Variants in DYNC1H1 observed in about 807,000 individuals in gnomAD.
The protein encoded by DYNC1H1 is dynein cytoplasmic 1 heavy chain 1, also known as cytoplasmic dynein 1 heavy chain 1.
Under a neutral mutation model 527.1 loss-of-function variants are expected in DYNC1H1, and 51 were observed. The observed-to-expected ratio is 0.10, with a 90% CI of 0.08 to 0.12. DYNC1H1 has a LOEUF of 0.12. DYNC1H1 is among the 10% of genes least tolerant of loss of function. DYNC1H1 has a pLI of 1.00. For synonymous variants in DYNC1H1, 2,189 were observed against 2,278.8 expected, an observed-to-expected ratio of 0.96 and a Z score of 1.12; for missense variants, 2,771 against 5,971.8, an observed-to-expected ratio of 0.46 and a Z score of 17.66.
chr14:101,964,815 C>G lies in DYNC1H1; in HGVS notation c.124C>G (p.Leu42Val). ...KHLRKLVPLL[L>V]EDGGEAPAAL... ...CCTGCGCAAGCTGGTGCCGCTGCTGCTGGAGGACGGCGGCGAGGCGCCGGC... is the reference window on the plus strand; with the variant it reads ...CCTGCGCAAGCTGGTGCCGCTGCTGGTGGAGGACGGCGGCGAGGCGCCGGC... Residue 42 changes from leucine to valine, a missense_variant, in exon 1 of 78, where the codon CTG becomes GTG. By Grantham distance (32) the Leu-to-Val change is conservative. Transcript: ENST00000360184. The surrounding 1 kb of genome is among the most constrained non-coding windows in gnomAD (Gnocchi z 5.5). 6.2e-7 allele frequency: 1 copy of G among 1,604,386 alleles called. No homozygotes were observed. Among genetic ancestry groups the G allele is most frequent in the Non-Finnish European group, 8.5e-7 (1 of 1,176,576 alleles).
chr14:102,044,220 C>T lies in DYNC1H1; in HGVS notation c.12685-54C>T. On this transcript the variant is annotated intron_variant, in intron 70 of 77. Transcript: ENST00000360184. This position sits in a 1 kb window ranked among gnomAD's most constrained non-coding sequence, Gnocchi z 7.1. The stretch of plus-strand genomic sequence containing the variant: ...AAAGCTGTGCCCCTCGAAAGGAAGC[C>T]CCGGGCCTGCCCGCCTCTGACCACA... 1.9e-6 allele frequency: 3 copies of T among 1,606,892 alleles called. No homozygotes were observed. The highest frequency in any genetic ancestry group is 2.5e-6 in the Non-Finnish European group (3 of 1,177,308).
chr14:102,044,753 GCGGGGTGGGTGGCGAGGGTCCCCA>G lies in DYNC1H1; in HGVS notation c.13006+57_13006+80del. Reference sequence around the variant, plus strand: ...GGGTGGGTGGCGAGGGTCCCCTCACGCGGGGTGGGTGGCGAGGGTCCCCACACGCAGGGTGAGTGTGCACTGCTG... The same window carrying G: ...GGGTGGGTGGCGAGGGTCCCCTCACGCACGCAGGGTGAGTGTGCACTGCTG... On this transcript the variant is annotated intron_variant, in intron 72 of 77. Coordinates refer to ENST00000360184, the MANE Select transcript of DYNC1H1 (RefSeq NM_001376.5). This position sits in a 1 kb window ranked among gnomAD's most constrained non-coding sequence, Gnocchi z 7.1. The G allele has an allele frequency of 7.2e-7, 1 of 1,391,896 alleles. No individual in the cohort carries two copies. Among genetic ancestry groups the G allele is most frequent in the Non-Finnish European group, 9.8e-7 (1 of 1,015,584 alleles). The allele number at this position is 1,391,896 out of a possible 1,614,324, so 86.2% of individuals were successfully genotyped here. A position where few individuals can be genotyped will look rare whatever the true frequency, so the allele number is the denominator to read the frequency against.
intron 64 of DYNC1H1, 108 bp downstream of exon 64, chr14:102,040,781 A>G: frequency 1.5e-6 from 2 of 1,306,512 alleles, no homozygotes; most frequent in South Asian, 1.2e-5. Flanking sequence ...GCAACATAGT[A>G]AGGCCCCATC....
Position 102,047,887 on chromosome 14 carries a change from G to A in DYNC1H1, c.13077G>A (p.Glu4359=), listed in dbSNP as rs186804068. The change falls in exon 73 of 78, where the codon GAG becomes GAA. Residue 4359 remains glutamate (E), a synonymous_variant. Transcript: ENST00000360184. ...LEDEDDLAYA[E]TEKKTRTDST... Reference sequence around the variant, plus strand: ...ATGAGGACGACCTGGCCTACGCAGAGACTGAGAAGAAGACGAGGACAGACT... The same window carrying A: ...ATGAGGACGACCTGGCCTACGCAGAAACTGAGAAGAAGACGAGGACAGACT... 3 of 1,613,702 alleles carry A rather than the reference G, an allele frequency of 1.9e-6. No individual in the cohort carries two copies. The African/African-American group carries it at 4.0e-5, about 22-fold the overall frequency.
chr14:101,978,782 T>C (rs1264101221), intron 2 of DYNC1H1, among the ~76,000 whole-genome samples: 1 of 152,200 alleles, frequency 6.6e-6, no homozygotes, highest in Non-Finnish European at 1.5e-5. Context: ...AATTGAGTTA[T>C]GAGGGTTAGA....
chr14:102,036,576 C>T lies in DYNC1H1; in HGVS notation c.10842C>T (p.Phe3614=), dbSNP rs2048577882. Residue 3614 remains phenylalanine (F), a synonymous_variant, in exon 57 of 78, where the codon TTC becomes TTT. Transcript: ENST00000360184. This position sits in a 1 kb window ranked among gnomAD's most constrained non-coding sequence, Gnocchi z 5.6. ...YKDRKITRTS[F]LDDAFRKNLE... ...ATCGTAAGATCACACGGACCAGCTTCCTGGATGACGCCTTCAGAAAGAACT... is the reference window on the plus strand; with the variant it reads ...ATCGTAAGATCACACGGACCAGCTTTCTGGATGACGCCTTCAGAAAGAACT... 12 of 1,614,192 alleles carry T rather than the reference C, an allele frequency of 7.4e-6. No homozygotes were observed. The East Asian group carries it at 2.5e-4, about 33-fold the overall frequency.
At chr14:102,022,341 A>T (rs2048393995) in intron 42 of DYNC1H1, among the ~76,000 whole-genome samples, 1 of 150,720 alleles carries the variant, frequency 6.6e-6, no homozygotes, top group East Asian at 2.0e-4. Context: ...CTAAAAATAC[A>T]ATTAAAAAAA....
intron 63 of DYNC1H1, 24 bp from the exon 64 acceptor site, chr14:102,040,574 G>A (rs17512832): frequency 1.4e-5 from 22 of 1,613,976 alleles, no homozygotes; most frequent in Admixed American, 3.3e-5. Flanking sequence ...TGCTCCATGG[G>A]TGCTTCCACT....
chr14:101,966,701 A>T (rs1595591226), intron 1 of DYNC1H1, among the ~76,000 whole-genome samples: 1 of 151,718 alleles, frequency 6.6e-6, no homozygotes, highest in African/African-American at 2.4e-5. Flanking sequence ...CAGTGATTTT[A>T]TTTTTTTTAC....
intron 51 of DYNC1H1, 142 bp from the exon 52 acceptor site, chr14:102,032,130 C>G: frequency 2.0e-6 from 2 of 993,382 alleles, no homozygotes; most frequent in Admixed American, 1.7e-5. Flanking sequence ...AGAAAAGTCT[C>G]TCATTTCTTA....
In DYNC1H1 at chr14:102,050,635, G is replaced by A; in HGVS notation, c.*72G>A. 1 of 1,611,008 alleles carries A rather than the reference G, an allele frequency of 6.2e-7. No individual in the cohort carries two copies. Among genetic ancestry groups the A allele is most frequent in the South Asian group, 1.1e-5 (1 of 90,738 alleles). ...CATTTATTCATTTTTAAAATATTTG[G>A]AAGGTCTGAGCTTGTGAAAAGAAAG... On this transcript the variant is annotated 3_prime_UTR_variant, in exon 78 of 78. Transcript: ENST00000360184.
chr14:102,008,050 C>A (rs1779596763), intron 28 of DYNC1H1, 128 bp from the exon 29 acceptor site: 6 of 1,327,460 alleles, frequency 4.5e-6, no homozygotes, highest in Non-Finnish European at 5.3e-6. Context: ...TATGTCCTTA[C>A]ACGCTCTTTC....
At position 102,001,714 on chromosome 14, in the gene DYNC1H1, C is replaced by T; in HGVS notation, c.4542+33C>T. 6.2e-7 allele frequency: 1 copy of T among 1,613,314 alleles called. No homozygotes were observed. Among genetic ancestry groups the T allele is most frequent in the Non-Finnish European group, 8.5e-7 (1 of 1,179,970 alleles). Reference sequence around the variant, plus strand: ...TGCTGGGGAAGCTTTCCCTCCCCACCAGTGGTCTCCCACGCTTTCACTGTA... The same window carrying T: ...TGCTGGGGAAGCTTTCCCTCCCCACTAGTGGTCTCCCACGCTTTCACTGTA... On this transcript the variant is annotated intron_variant, in intron 21 of 77. Transcript: ENST00000360184. The surrounding 1 kb of genome is among the most constrained non-coding windows in gnomAD (Gnocchi z 5.0).
intron 11 of DYNC1H1, among the ~76,000 whole-genome samples, chr14:101,992,026 CAAT>C (rs1261860920): frequency 2.0e-5 from 3 of 150,668 alleles, no homozygotes; most frequent in African/African-American, 7.3e-5. Flanking sequence ...ACAGCTTTAT[CAAT>C]ATGTGGACAA....
rs2047920216 is a variant in DYNC1H1, at chr14:101,985,146, T to C, written c.1462-541T>C. On this transcript the variant is annotated intron_variant, in intron 7 of 77. Transcript: ENST00000360184. The surrounding 1 kb of genome is among the most constrained non-coding windows in gnomAD (Gnocchi z 5.9). ...ACCCTAGAGCCAGACTTCCTGGGTT[T>C]TAAATCCTAATTCCATCGTTTACTA... Among the ~76,000 whole-genome samples, 1 of 152,078 alleles carries C rather than the reference T, an allele frequency of 6.6e-6. No homozygotes were observed. The highest frequency in any genetic ancestry group is 2.1e-4 in the South Asian group (1 of 4,822).
At chr14:102,021,720 C>T (rs2048387579) in intron 42 of DYNC1H1, among the ~76,000 whole-genome samples, 1 of 144,720 alleles carries the variant, frequency 6.9e-6, no homozygotes, top group Non-Finnish European at 1.5e-5. Context: ...AGTGCAATGG[C>T]ATGATCTCAG....
Position 102,034,493 on chromosome 14 carries a change from GGGT to G in DYNC1H1, c.10754+46_10754+48del, listed in dbSNP as rs781764460. 1.1e-4 allele frequency: 175 copies of G among 1,611,814 alleles called. No homozygotes were observed. In the South Asian group the frequency reaches 1.8e-3, roughly 16 times the overall value. On this transcript the variant is annotated intron_variant, in intron 56 of 77. Coordinates refer to ENST00000360184, the MANE Select transcript of DYNC1H1 (RefSeq NM_001376.5). ...CCAAGGAGAGGCATGGGAGGAATGT[GGGT>G]GGTGATCTTGAATTTTTTTCAAAAT...
Position 102,006,088 on chromosome 14 carries a change from A to G in DYNC1H1, c.5634A>G (p.Lys1878=). 6.2e-7 allele frequency: 1 copy of G among 1,614,248 alleles called. No homozygotes were observed. ...YGFEYLGVQD[K]LVQTPLTDRC... ...TTGAGTACCTGGGTGTTCAGGACAA[A>G]CTGGTCCAGACCCCCCTCACTGACC... The change falls in exon 27 of 78, where the codon AAA becomes AAG. Residue 1878 remains lysine (K), a synonymous_variant. Transcript: ENST00000360184.
At chr14:101,991,741 C>T (rs1194195938) in intron 11 of DYNC1H1, 68 bp downstream of exon 11, 2 of 1,590,164 alleles carry the variant, frequency 1.3e-6, no homozygotes, top group Admixed American at 1.7e-5. Flanking sequence ...GATACCACTT[C>T]TTCATGGTGC....
Sources: gnomAD v4.1 joint callset for allele counts (sites outside exome capture counted in the v4.1 genomes callset) on GRCh38, gnomAD v4.1.1 for gene constraint, Gnocchi (gnomAD v3.1) non-coding constraint, MANE v1.5 for transcripts, NCBI Gene and HGNC (gene_info 2026-07-23, HGNC 2026-07-21) for gene names.